CLMP: variants seen among roughly 807,000 people sequenced by gnomAD.
CLMP encodes CXADR-like membrane protein.
Under a neutral mutation model 45.2 loss-of-function variants are expected in CLMP, and 27 were observed. The ratio of observed to expected loss-of-function variants is 0.60; its 90% CI spans 0.44 to 0.82. The LOEUF is 0.82. Among genes scored for constraint, CLMP ranks in the 40% least tolerant of loss-of-function variants. CLMP has a pLI of 0.00. For synonymous variants in CLMP, 167 were observed against 171.4 expected (o/e 0.97, Z 0.20); for missense variants, 403 against 448.4 (o/e 0.90, Z 0.91).
chr11:123,134,782 C>T (rs12287518), intron 1 of CLMP, among the ~76,000 whole-genome samples: 63,493 of 151,132 alleles, frequency 0.42, 14,937 homozygotes, highest in African/African-American at 0.64. Context: ...CACTCCAGCC[C>T]GGGCAACAGA....
chr11:123,187,908 G>A (rs1002125854), intron 1 of CLMP, among the ~76,000 whole-genome samples: 73 of 152,288 alleles, frequency 4.8e-4, no homozygotes, highest in African/African-American at 1.6e-3. Flanking sequence ...CTTATTTAGC[G>A]TGATCTCAAT....
intron 1 of CLMP, among the ~76,000 whole-genome samples, chr11:123,106,911 T>G (rs111569801): frequency 0.1 from 15,457 of 151,318 alleles, 886 homozygotes; most frequent in East Asian, 0.17. Context: ...TCCCAGCTAC[T>G]CGGGAGGCTG....
At chr11:123,116,290 G>C (rs528968717) in intron 1 of CLMP, among the ~76,000 whole-genome samples, 2 of 152,210 alleles carry the variant, frequency 1.3e-5, no homozygotes, top group South Asian at 4.1e-4. Context: ...TTAAAGGCCT[G>C]GCATGGTGGC....
In CLMP at chr11:123,083,712, TCTCC is replaced by T; in HGVS notation, c.520_523del (p.Gly174ArgfsTer49). ...AGATTTGGGAGGCAGACGTTCATCC[TCTCC>T]CTCTTTCTCTCGGATTCGCTGCCAG... On this transcript the variant is annotated frameshift_variant, in exon 4 of 7. Coordinates refer to ENST00000448775, the MANE Select transcript of CLMP (RefSeq NM_024769.5). LOFTEE classifies it high-confidence loss of function. 6.2e-7 allele frequency: 1 copy of T among 1,614,068 alleles called. No homozygotes were observed. Among genetic ancestry groups the T allele is most frequent in the Non-Finnish European group, 8.5e-7 (1 of 1,180,024 alleles).
At position 123,108,108 on chromosome 11, in the gene CLMP, C is replaced by T. The variant is rs577024807; in HGVS notation, c.29-10156G>A. 5.3e-5 allele frequency among the ~76,000 whole-genome samples: 8 copies of T among 152,168 alleles called. No individual in the cohort carries two copies. In the South Asian group the frequency reaches 1.0e-3, roughly 20 times the overall value. ...AGCTAATGGCACCACCTGTCCTCTC[C>T]GATCAGCTCCCCCTAGCCTCCCTTG... On this transcript the variant is annotated intron_variant, in intron 1 of 6. Transcript: ENST00000448775.
At chr11:123,097,648 G>T in intron 2 of CLMP, 147 bp downstream of exon 2, 1 of 625,976 alleles carries the variant, frequency 1.6e-6, no homozygotes. Context: ...CTTCTCTATA[G>T]TTTTGTATCT....
chr11:123,166,192 G>A (rs776280687), intron 1 of CLMP, among the ~76,000 whole-genome samples: 32 of 152,186 alleles, frequency 2.1e-4, no homozygotes, highest in Non-Finnish European at 3.5e-4. Flanking sequence ...GAGCAGTCGA[G>A]CCCAAGTTCT....
chr11:123,117,120 G>C (rs1324478308), intron 1 of CLMP, among the ~76,000 whole-genome samples: 1 of 152,026 alleles, frequency 6.6e-6, no homozygotes. Context: ...GTGGTGGCGG[G>C]TGCCACCCTG....
intron 1 of CLMP, among the ~76,000 whole-genome samples, chr11:123,167,239 T>C (rs1246071163): frequency 6.6e-6 from 1 of 152,210 alleles, no homozygotes; most frequent in African/African-American, 2.4e-5. Context: ...TGTTCAAGGT[T>C]TTGAAACCTT....
chr11:123,116,083 T>A (rs1860716297), intron 1 of CLMP, among the ~76,000 whole-genome samples: 1 of 152,064 alleles, frequency 6.6e-6, no homozygotes, highest in South Asian at 2.1e-4. Context: ...GGCAGCTGGC[T>A]TCCCCCAGGG....
intron 1 of CLMP, among the ~76,000 whole-genome samples, chr11:123,184,436 A>T (rs535532801): frequency 2.0e-5 from 3 of 152,302 alleles, no homozygotes; most frequent in South Asian, 4.1e-4. Context: ...TTCTGTGCTC[A>T]TTAGCTGACT....
intron 5 of CLMP, among the ~76,000 whole-genome samples, chr11:123,077,572 C>T (rs752088046): frequency 5.3e-5 from 8 of 152,124 alleles, no homozygotes; most frequent in South Asian, 4.1e-4. Context: ...TCAAGTGATC[C>T]GCCCACCTCC....
At chr11:123,120,175 C>G (rs968817088) in intron 1 of CLMP, among the ~76,000 whole-genome samples, 2 of 152,128 alleles carry the variant, frequency 1.3e-5, no homozygotes, top group African/African-American at 4.8e-5. Flanking sequence ...AATCCCAGTG[C>G]TTTGGGAGGC....
intron 2 of CLMP, among the ~76,000 whole-genome samples, chr11:123,085,597 A>T (rs866472925): frequency 2.4e-3 from 68 of 28,058 alleles, no homozygotes; most frequent in African/African-American, 0.013. Context: ...TACAAAGATA[A>T]AAAAAAAAAA....
At chr11:123,098,004 T>G in intron 1 of CLMP, 52 bp from the exon 2 acceptor site, 1 of 1,392,856 alleles carries the variant, frequency 7.2e-7, no homozygotes, top group Non-Finnish European at 9.6e-7. Context: ...TGGCAATGTG[T>G]GGGGAGCAAA....
intron 1 of CLMP, among the ~76,000 whole-genome samples, chr11:123,180,992 C>T (rs182482473): frequency 2.2e-4 from 33 of 152,288 alleles, no homozygotes; most frequent in Admixed American, 2.1e-3. Flanking sequence ...GGGGTGTGTG[C>T]ATGTGAGAGG....
At chr11:123,132,102 G>A (rs1861000561) in intron 1 of CLMP, among the ~76,000 whole-genome samples, 1 of 152,226 alleles carries the variant, frequency 6.6e-6, no homozygotes, top group South Asian at 2.1e-4. Context: ...CTATGTGTAA[G>A]AAACCTCTCA....
intron 1 of CLMP, among the ~76,000 whole-genome samples, chr11:123,150,776 G>T (rs1179269839): frequency 6.6e-6 from 1 of 152,192 alleles, no homozygotes; most frequent in Non-Finnish European, 1.5e-5. Flanking sequence ...GAGTGCAGGG[G>T]CACGATCTCG....
intron 1 of CLMP, among the ~76,000 whole-genome samples, chr11:123,174,660 C>T (rs947107610): frequency 6.6e-6 from 1 of 152,212 alleles, no homozygotes; most frequent in Non-Finnish European, 1.5e-5. Context: ...TATCCATCTT[C>T]TAAAGGCCCT....
Sources: gnomAD v4.1 joint callset for allele counts (sites outside exome capture counted in the v4.1 genomes callset) on GRCh38, gnomAD v4.1.1 for gene constraint, MANE v1.5 for transcripts, NCBI Gene and HGNC (gene_info 2026-07-23, HGNC 2026-07-21) for gene names.